HDAC9: variants seen among roughly 807,000 people sequenced by gnomAD.
The protein encoded by HDAC9 is histone deacetylase 9, also known as MEF-2 interacting transcription repressor (MITR) protein.
In HDAC9, 41 loss-of-function variants were observed where a neutral mutation model predicts 139.4. That is an observed-to-expected ratio of 0.29 (90% CI 0.23 to 0.38). The LOEUF (loss-of-function observed/expected upper bound fraction) is 0.38, where lower values mean the gene tolerates loss of function less well. HDAC9 is among the 10% of genes least tolerant of loss of function. The pLI, the probability that HDAC9 is intolerant of heterozygous loss-of-function variation, is 1.00. For synonymous variants in HDAC9, 517 were observed against 476.2 expected (o/e 1.09, Z -1.12); for missense variants, 1,147 against 1,297.0 (o/e 0.88, Z 1.78).
chr7:18,263,567 C>G (rs1447963997), intron 2 of HDAC9, among the ~76,000 whole-genome samples: 1 of 151,982 alleles, frequency 6.6e-6, no homozygotes, highest in Non-Finnish European at 1.5e-5. Context: ...ACCAGGTCCT[C>G]ATCCCTGTGG....
At chr7:18,254,653 G>A (rs942239282) in intron 2 of HDAC9, among the ~76,000 whole-genome samples, 1 of 152,148 alleles carries the variant, frequency 6.6e-6, no homozygotes, top group Non-Finnish European at 1.5e-5. Context: ...TTCAAAAATA[G>A]CAGGTTATTT....
chr7:18,580,464 A>G lies in HDAC9; in HGVS notation c.23-4817A>G, dbSNP rs531117944. 6.9e-3 allele frequency among the ~76,000 whole-genome samples: 1,054 copies of G among 152,320 alleles called. 10 individuals are homozygous for G. Among genetic ancestry groups the G allele is most frequent in the Admixed American group, 0.011 (172 of 15,296 alleles). ...AACATAATAATATGAACAATATAAT[A>G]TAATAAATATAGCATACATTTGCAT... On this transcript the variant is annotated intron_variant, in intron 2 of 25. Transcript: ENST00000686413.
At position 19,001,323 on chromosome 7, in the gene HDAC9, C is replaced by G. The variant is rs948033504; in HGVS notation, c.*5261C>G. On this transcript the variant is annotated 3_prime_UTR_variant, in exon 26 of 26. Coordinates refer to ENST00000686413, the MANE Select transcript of HDAC9 (RefSeq NM_178425.4). ...CAGACTTTTTAAAGCAAATTGGAATCGTTTTATTTTTTTGTTTGGGCCTTA... is the reference window on the plus strand; with the variant it reads ...CAGACTTTTTAAAGCAAATTGGAATGGTTTTATTTTTTTGTTTGGGCCTTA... 26 of 152,078 alleles carry G rather than the reference C, an allele frequency of 1.7e-4. No individual in the cohort carries two copies. The highest frequency in any genetic ancestry group is 5.3e-4 in the African/African-American group (22 of 41,508). The allele number at this position is 152,078 out of a possible 1,614,324, so 9.4% of individuals were successfully genotyped here.
At chr7:18,814,945 T>A in intron 17 of HDAC9, among the ~76,000 whole-genome samples, 1 of 152,172 alleles carries the variant, frequency 6.6e-6, no homozygotes. Context: ...TGATTGAAAA[T>A]GTTTATAGGT....
intron 2 of HDAC9, among the ~76,000 whole-genome samples, chr7:18,179,897 T>A (rs936500262): frequency 3.3e-5 from 5 of 152,182 alleles, no homozygotes; most frequent in Non-Finnish European, 7.3e-5. Flanking sequence ...CACATAAATA[T>A]GTGCTTTTTT....
chr7:18,685,112 A>C (rs1241613287), intron 12 of HDAC9, among the ~76,000 whole-genome samples: 1 of 152,046 alleles, frequency 6.6e-6, no homozygotes, highest in East Asian at 1.9e-4. Flanking sequence ...ACTGTGGCTT[A>C]CCACAACCTC....
intron 16 of HDAC9, among the ~76,000 whole-genome samples, chr7:18,767,486 A>G (rs1585001955): frequency 6.6e-6 from 1 of 152,234 alleles, no homozygotes. Flanking sequence ...AGGTGCTTCA[A>G]GAGAGTTTAA....
chr7:18,902,441 A>T (rs557962994), intron 22 of HDAC9, among the ~76,000 whole-genome samples: 47 of 152,316 alleles, frequency 3.1e-4, no homozygotes, highest in African/African-American at 1.1e-3. Context: ...TTTGGCAGGA[A>T]TAACTCTCTG....
chr7:18,219,381 A>C (rs1052952663), intron 2 of HDAC9, among the ~76,000 whole-genome samples: 10 of 152,216 alleles, frequency 6.6e-5, no homozygotes, highest in African/African-American at 2.4e-4. Flanking sequence ...GAATAACTTA[A>C]GCACTTTCAA....
intron 6 of HDAC9, among the ~76,000 whole-genome samples, chr7:18,618,356 G>A (rs978848597): frequency 3.3e-5 from 5 of 151,996 alleles, no homozygotes; most frequent in Non-Finnish European, 7.4e-5. Context: ...AGACTCTTAG[G>A]AGGGTAACAA....
intron 1 of HDAC9, among the ~76,000 whole-genome samples, chr7:18,126,923 A>G (rs1287978355): frequency 6.6e-6 from 1 of 152,214 alleles, no homozygotes; most frequent in Non-Finnish European, 1.5e-5. Context: ...TGCATGAAAA[A>G]GTATCTTTCT....
chr7:18,633,492 T>A (rs1257492895), intron 7 of HDAC9, among the ~76,000 whole-genome samples: 2 of 151,984 alleles, frequency 1.3e-5, no homozygotes, highest in African/African-American at 4.8e-5. Context: ...GGGGATGGGA[T>A]CATGGGTAAG....
intron 17 of HDAC9, among the ~76,000 whole-genome samples, chr7:18,797,677 A>C (rs1792921848): frequency 6.6e-6 from 1 of 152,032 alleles, no homozygotes; most frequent in Non-Finnish European, 1.5e-5. Flanking sequence ...AAAATACAAA[A>C]AATTAGCCAG....
At chr7:18,764,883 C>A (rs541300605) in intron 15 of HDAC9, among the ~76,000 whole-genome samples, 1 of 150,604 alleles carries the variant, frequency 6.6e-6, no homozygotes, top group African/African-American at 2.4e-5. Context: ...TATGATGAGA[C>A]CTGTCAGTCT....
At chr7:18,127,785 G>A (rs1784759909) in intron 1 of HDAC9, among the ~76,000 whole-genome samples, 1 of 152,002 alleles carries the variant, frequency 6.6e-6, no homozygotes, top group South Asian at 2.1e-4. Flanking sequence ...TTTTCCCACA[G>A]AACCTGTTGG....
At chr7:18,503,200 A>G (rs924764024) in intron 2 of HDAC9, among the ~76,000 whole-genome samples, 3 of 152,200 alleles carry the variant, frequency 2.0e-5, no homozygotes, top group Non-Finnish European at 2.9e-5. Context: ...TGGCTGTGCC[A>G]TGGTCCCCCC....
chr7:18,185,581 A>C (rs991146697), intron 2 of HDAC9, among the ~76,000 whole-genome samples: 10 of 152,226 alleles, frequency 6.6e-5, no homozygotes, highest in African/African-American at 2.4e-4. Context: ...TATTGTTACA[A>C]GCATAGATAA....
chr7:18,725,471 G>A (rs1785470503), intron 12 of HDAC9, among the ~76,000 whole-genome samples: 1 of 62 alleles, frequency 0.016, no homozygotes, highest in South Asian at 0.25. Flanking sequence ...TCAAATTTGG[G>A]TTGACTTCGG....
intron 1 of HDAC9, among the ~76,000 whole-genome samples, chr7:18,297,543 A>G (rs1397921196): frequency 6.6e-6 from 1 of 152,234 alleles, no homozygotes; most frequent in Non-Finnish European, 1.5e-5. Context: ...TTGGGGATAC[A>G]TAAATACATA....
Sources: gnomAD v4.1 joint callset for allele counts (sites outside exome capture counted in the v4.1 genomes callset) on GRCh38, gnomAD v4.1.1 for gene constraint, MANE v1.5 for transcripts, NCBI Gene and HGNC (gene_info 2026-07-23, HGNC 2026-07-21) for gene names.